Variants in TNR observed in about 807,000 individuals in gnomAD.
TNR encodes the protein tenascin-R.
A neutral mutation model predicts 150.4 loss-of-function variants in TNR; 45 were observed. The observed-to-expected ratio is 0.30, with a 90% CI of 0.24 to 0.38. The LOEUF is 0.38. Among genes scored for constraint, TNR ranks in the 10% least tolerant of loss-of-function variants. The probability of loss-of-function intolerance (pLI) is 1.00; values close to 1 mark genes in which losing one functional copy is unlikely to be tolerated. For synonymous variants in TNR, 687 were observed against 678.4 expected (o/e 1.01, Z -0.20); for missense variants, 1,544 against 1,759.1 (o/e 0.88, Z 2.19).
At chr1:175,617,779 G>T (rs1262162850) in intron 1 of TNR, among the ~76,000 whole-genome samples, 1 of 152,214 alleles carries the variant, frequency 6.6e-6, no homozygotes, top group African/African-American at 2.4e-5. Flanking sequence ...AATAGTAATA[G>T]TTAATAACTA....
At chr1:175,553,491 C>A (rs1661023728) in intron 1 of TNR, among the ~76,000 whole-genome samples, 1 of 152,312 alleles carries the variant, frequency 6.6e-6, no homozygotes, top group South Asian at 2.1e-4. Context: ...ACTCTATCCA[C>A]CACATCATCT....
chr1:175,709,293 T>TCACACA (rs201842928), intron 1 of TNR, among the ~76,000 whole-genome samples: 52 of 135,330 alleles, frequency 3.8e-4, no homozygotes, highest in African/African-American at 1.4e-3. Context: ...TCCCTTGCTT[T>TCACACA]CACACACACA....
chr1:175,331,157 TTTTC>T lies in TNR; in HGVS notation c.3632-926_3632-923del, dbSNP rs200635306. Among the ~76,000 whole-genome samples, 11 of 109,880 alleles carry T rather than the reference TTTTC, an allele frequency of 1.0e-4. No individual in the cohort carries two copies. The South Asian group carries it at 1.1e-3, about 11-fold the overall frequency. 72.1% of individuals were successfully genotyped at this position (109,880 alleles called of 152,430 possible). On this transcript the variant is annotated intron_variant, in intron 20 of 22. Transcript: ENST00000367674. The stretch of plus-strand genomic sequence containing the variant: ...TTTCTTTCTTTCTTCCTTTCTTTCT[TTTTC>T]TTTCCTTCCTTCCTTCCTTCCTTCC...
chr1:175,694,119 C>T (rs1028183679), intron 1 of TNR, among the ~76,000 whole-genome samples: 16 of 152,192 alleles, frequency 1.1e-4, no homozygotes, highest in African/African-American at 3.9e-4. Context: ...ACCTCTCTGC[C>T]AATGGCTCAG....
intron 1 of TNR, among the ~76,000 whole-genome samples, chr1:175,669,363 C>T (rs1441094309): frequency 6.6e-6 from 1 of 152,172 alleles, no homozygotes; most frequent in Non-Finnish European, 1.5e-5. Flanking sequence ...TGAAAACCTC[C>T]AAGTTTGTCT....
At chr1:175,376,609 A>G (rs1652399469) in intron 9 of TNR, among the ~76,000 whole-genome samples, 1 of 152,094 alleles carries the variant, frequency 6.6e-6, no homozygotes, top group African/African-American at 2.4e-5. Flanking sequence ...AGAAAGCACA[A>G]TGTTTTAGAG....
intron 4 of TNR, among the ~76,000 whole-genome samples, chr1:175,401,321 A>G (rs1653692990): frequency 6.6e-6 from 1 of 152,206 alleles, no homozygotes; most frequent in African/African-American, 2.4e-5. Context: ...GCATTAACAC[A>G]GCGATGGCCC....
At chr1:175,702,276 C>T (rs997917918) in intron 1 of TNR, among the ~76,000 whole-genome samples, 2 of 152,204 alleles carry the variant, frequency 1.3e-5, no homozygotes, top group African/African-American at 4.8e-5. Flanking sequence ...GGCAGCTTCT[C>T]AGCTCTGCCC....
intron 18 of TNR, among the ~76,000 whole-genome samples, chr1:175,344,899 A>C (rs1422638452): frequency 6.6e-6 from 1 of 152,054 alleles, no homozygotes. Flanking sequence ...AGAACCAAAA[A>C]CAAACAAGAC....
intron 1 of TNR, among the ~76,000 whole-genome samples, chr1:175,560,604 T>C (rs994411912): frequency 3.9e-5 from 6 of 152,246 alleles, no homozygotes; most frequent in African/African-American, 1.4e-4. Flanking sequence ...GACTACTGCT[T>C]CTCATCCAAG....
intron 2 of TNR, among the ~76,000 whole-genome samples, chr1:175,510,836 C>T (rs1266296506): frequency 6.6e-6 from 1 of 152,148 alleles, no homozygotes; most frequent in Non-Finnish European, 1.5e-5. Context: ...TATCCTAGAA[C>T]TGGCAGATTG....
At chr1:175,587,609 G>A (rs1450060248) in intron 1 of TNR, among the ~76,000 whole-genome samples, 2 of 152,152 alleles carry the variant, frequency 1.3e-5, no homozygotes, top group Non-Finnish European at 2.9e-5. Flanking sequence ...AACAATCAAG[G>A]ACCTGGTGTC....
chr1:175,738,998 G>C (rs1439611549), intron 1 of TNR, among the ~76,000 whole-genome samples: 1 of 152,186 alleles, frequency 6.6e-6, no homozygotes, highest in South Asian at 2.1e-4. Context: ...TTGTATTTCT[G>C]TATTAGGGAG....
chr1:175,504,755 T>C (rs924566151), intron 2 of TNR, among the ~76,000 whole-genome samples: 1 of 152,138 alleles, frequency 6.6e-6, no homozygotes, highest in Non-Finnish European at 1.5e-5. Context: ...TGGTTCCCCA[T>C]GTGTTGGAGC....
At chr1:175,485,220 T>C (rs1317079831) in intron 2 of TNR, among the ~76,000 whole-genome samples, 2 of 152,096 alleles carry the variant, frequency 1.3e-5, no homozygotes, top group Non-Finnish European at 2.9e-5. Context: ...AACCAAAAAA[T>C]CTCTGATGGT....
At chr1:175,506,549 A>G (rs1487405392) in intron 2 of TNR, among the ~76,000 whole-genome samples, 1 of 152,250 alleles carries the variant, frequency 6.6e-6, no homozygotes, top group Non-Finnish European at 1.5e-5. Context: ...ACTGGAGCAC[A>G]TGGCAAGGGG....
chr1:175,423,505 C>G (rs546142175), intron 2 of TNR, among the ~76,000 whole-genome samples: 1 of 152,288 alleles, frequency 6.6e-6, no homozygotes, highest in East Asian at 1.9e-4. Context: ...GAATGGTCAA[C>G]CCTGCTTTCC....
chr1:175,480,458 A>AAAGAAAGAAAGAAAGAG (rs1557959794), intron 2 of TNR, among the ~76,000 whole-genome samples: 9 of 143,748 alleles, frequency 6.3e-5, no homozygotes, highest in African/African-American at 2.4e-4. Context: ...AGAAAGAAAG[A>AAAGAAAGAAAGAAAGAG]AAAGAAAAAA....
intron 1 of TNR, among the ~76,000 whole-genome samples, chr1:175,634,836 T>C (rs1664446432): frequency 6.6e-6 from 1 of 152,200 alleles, no homozygotes; most frequent in Non-Finnish European, 1.5e-5. Context: ...CATAGCACAT[T>C]ATAATTTATA....
Sources: allele counts gnomAD v4.1 joint callset (sites outside exome capture counted in the v4.1 genomes callset), GRCh38; gene constraint gnomAD v4.1.1; transcripts MANE v1.5; gene names NCBI Gene and HGNC (gene_info 2026-07-23, HGNC 2026-07-21).